ZSCAN18: variants seen among roughly 807,000 people sequenced by gnomAD.
The protein encoded by ZSCAN18 is zinc finger and SCAN domain containing 18.
A neutral mutation model predicts 31.1 loss-of-function variants in ZSCAN18; 16 were observed. The observed-to-expected ratio is 0.51, with a 90% CI of 0.35 to 0.78. The LOEUF (loss-of-function observed/expected upper bound fraction) is 0.78, where lower values mean the gene tolerates loss of function less well. Among genes scored for constraint, ZSCAN18 ranks in the 30% least tolerant of loss-of-function variants. The pLI is 0.01. For missense variants in ZSCAN18, 731 were observed against 697.4 expected (o/e 1.05, Z -0.54); for synonymous variants, 375 against 320.7 (o/e 1.17, Z -1.81).
intron 1 of ZSCAN18, among the ~76,000 whole-genome samples, chr19:58,117,575 G>C (rs2074740601): frequency 6.6e-6 from 1 of 152,058 alleles, no homozygotes. Context: ...AGCGTCCTTG[G>C]GAGTAAGACA....
chr19:58,100,707 A>G (rs1304140597), upstream of ZSCAN18, among the ~76,000 whole-genome samples: 1 of 150,948 alleles, frequency 6.6e-6, no homozygotes, highest in Non-Finnish European at 1.5e-5. Flanking sequence ...ACATGGTGAA[A>G]CCCTGGCTCT....
chr19:58,086,125 GAA>G (rs1260330981), intron 6 of ZSCAN18, 47 bp downstream of exon 6: 1 of 1,586,982 alleles, frequency 6.3e-7, no homozygotes, highest in Admixed American at 1.7e-5. Flanking sequence ...AGCCTCTGAA[GAA>G]AAAGCAAACC....
chr19:58,085,886 A>C (rs1004678293), intron 6 of ZSCAN18: 5 of 397,090 alleles, frequency 1.3e-5, no homozygotes, highest in African/African-American at 2.1e-5. Context: ...GCTGGCACAG[A>C]GCCTCCAATG....
chr19:58,084,597 G>T lies in ZSCAN18; in HGVS notation c.*88C>A. On this transcript the variant is annotated 3_prime_UTR_variant, in exon 7 of 7. Coordinates refer to ENST00000601144, the MANE Select transcript of ZSCAN18 (RefSeq NM_001145543.2). This position sits in a 1 kb window ranked among gnomAD's most constrained non-coding sequence, Gnocchi z 4.5. Reference sequence around the variant, plus strand: ...ACGTCCACAAACACCACAGGAAGCCGCCACCCAGGGGCGTGGAAAGGCCCA... The same window carrying T: ...ACGTCCACAAACACCACAGGAAGCCTCCACCCAGGGGCGTGGAAAGGCCCA... 1 of 1,286,798 alleles carries T rather than the reference G, an allele frequency of 7.8e-7. No individual in the cohort carries two copies. Among genetic ancestry groups the T allele is most frequent in the Non-Finnish European group, 1.0e-6 (1 of 976,760 alleles). 79.7% of individuals were successfully genotyped at this position (1,286,798 alleles called of 1,614,324 possible).
intron 1 of ZSCAN18, among the ~76,000 whole-genome samples, chr19:58,093,686 T>C (rs2074461272): frequency 6.6e-6 from 1 of 152,192 alleles, no homozygotes; most frequent in African/African-American, 2.4e-5. Flanking sequence ...CTTGCTACTG[T>C]CCCCATCTGT....
chr19:58,085,677 C>CTGGCCACTAGCT, intron 6 of ZSCAN18: 2 of 466,478 alleles, frequency 4.3e-6, no homozygotes, highest in Non-Finnish European at 7.6e-6. Context: ...AGGTCTCCAC[C>CTGGCCACTAGCT]TGGCCACTAG....
chr19:58,102,863 G>T (rs543296300), upstream of ZSCAN18, among the ~76,000 whole-genome samples: 1 of 152,240 alleles, frequency 6.6e-6, no homozygotes, highest in Admixed American at 6.5e-5. Flanking sequence ...CTAGCACAGT[G>T]CCTCACACCT....
intron 1 of ZSCAN18, among the ~76,000 whole-genome samples, chr19:58,095,193 A>G (rs1175534927): frequency 1.3e-5 from 2 of 152,204 alleles, no homozygotes; most frequent in Non-Finnish European, 2.9e-5. Flanking sequence ...TACTTGGTGC[A>G]TGGACAGAGG....
chr19:58,105,305 A>T (rs1271604777), intron 1 of ZSCAN18, among the ~76,000 whole-genome samples: 1 of 152,190 alleles, frequency 6.6e-6, no homozygotes, highest in African/African-American at 2.4e-5. Context: ...CTGCCAACAC[A>T]ACGTGTATTC....
At chr19:58,087,216 C>T (rs551884064) in intron 4 of ZSCAN18, 100 bp downstream of exon 4, 13 of 1,305,786 alleles carry the variant, frequency 1.0e-5, no homozygotes, top group East Asian at 2.5e-5. Context: ...GCGCTGTGGA[C>T]GTTTGGGGCC....
intron 1 of ZSCAN18, among the ~76,000 whole-genome samples, chr19:58,103,328 T>C (rs890036362): frequency 6.6e-6 from 1 of 152,192 alleles, no homozygotes; most frequent in Non-Finnish European, 1.5e-5. Context: ...TATGCAGATA[T>C]TGCATTTTTT....
chr19:58,092,852 C>T (rs2074442167), intron 1 of ZSCAN18: 1 of 312,478 alleles, frequency 3.2e-6, no homozygotes, highest in Non-Finnish European at 4.7e-6. Flanking sequence ...TAGCTTATTG[C>T]AGCCTCAACC....
At chr19:58,116,375 C>T (rs2074730252) in intron 1 of ZSCAN18, among the ~76,000 whole-genome samples, 1 of 151,358 alleles carries the variant, frequency 6.6e-6, no homozygotes, top group South Asian at 2.1e-4. Context: ...TATGCCAGGA[C>T]CTGTTCTAGG....
chr19:58,098,758 A>G (rs1322481013), upstream of ZSCAN18, among the ~76,000 whole-genome samples: 1 of 152,230 alleles, frequency 6.6e-6, no homozygotes, highest in African/African-American at 2.4e-5. Context: ...AGAGAAAAGG[A>G]GCACTCGAGG....
intron 1 of ZSCAN18, among the ~76,000 whole-genome samples, chr19:58,113,900 C>T (rs1321776760): frequency 6.6e-6 from 1 of 152,000 alleles, no homozygotes; most frequent in Non-Finnish European, 1.5e-5. Context: ...ATCACTTGAA[C>T]CCAGGAGGCA....
chr19:58,108,327 C>T (rs1323972020), intron 1 of ZSCAN18: 3 of 985,378 alleles, frequency 3.0e-6, no homozygotes, highest in Non-Finnish European at 3.6e-6. Context: ...GGATTTTTCA[C>T]ATTCATTACA....
intron 5 of ZSCAN18, 65 bp downstream of exon 5, chr19:58,086,841 C>CCTG (rs1599952937): frequency 1.5e-6 from 2 of 1,311,498 alleles, no homozygotes; most frequent in Non-Finnish European, 1.1e-6. Flanking sequence ...GTCACAGTCT[C>CCTG]CTGCACCAAC....
chr19:58,104,580 T>C (rs2074620288), intron 1 of ZSCAN18, among the ~76,000 whole-genome samples: 1 of 151,814 alleles, frequency 6.6e-6, no homozygotes, highest in Non-Finnish European at 1.5e-5. Context: ...CAAGTGCCTG[T>C]AATCCCTGCT....
intron 1 of ZSCAN18, among the ~76,000 whole-genome samples, chr19:58,114,100 T>A (rs962268079): frequency 1.3e-5 from 2 of 152,084 alleles, no homozygotes; most frequent in African/African-American, 4.8e-5. Context: ...AAACCCCATC[T>A]GTATTAAAAA....
Sources: allele counts gnomAD v4.1 joint callset (sites outside exome capture counted in the v4.1 genomes callset), GRCh38; gene constraint gnomAD v4.1.1; non-coding constraint Gnocchi (gnomAD v3.1); transcripts MANE v1.5; gene names NCBI Gene and HGNC (gene_info 2026-07-23, HGNC 2026-07-21).